MYPN: variants seen among roughly 807,000 people sequenced by gnomAD.
MYPN encodes the protein sarcomeric protein myopalladin, 145 kDa (MYOP).
Under a neutral mutation model 129.4 loss-of-function variants are expected in MYPN, and 63 were observed. The observed-to-expected ratio is 0.49, with a 90% CI of 0.40 to 0.60. The LOEUF (loss-of-function observed/expected upper bound fraction) is 0.60. Among genes scored for constraint, MYPN ranks in the 20% least tolerant of loss-of-function variants. The pLI is 0.00. For synonymous variants in MYPN, 629 were observed against 600.9 expected (o/e 1.05, Z -0.68); for missense variants, 1,596 against 1,635.4 (o/e 0.98, Z 0.42).
chr10:68,136,257 G>A (rs1271495465), intron 2 of MYPN: 17 of 987,228 alleles, frequency 1.7e-5, no homozygotes, highest in Admixed American at 1.2e-4. Context: ...ATCCTTGTGC[G>A]TGAAAGGTGG....
chr10:68,115,935 C>T (rs1489464410), intron 1 of MYPN, among the ~76,000 whole-genome samples: 1 of 152,194 alleles, frequency 6.6e-6, no homozygotes, highest in African/African-American at 2.4e-5. Context: ...AGTAACTTCT[C>T]CACTGCATTA....
At chr10:68,097,167 G>A (rs564051252) in intron 1 of MYPN, among the ~76,000 whole-genome samples, 2 of 152,270 alleles carry the variant, frequency 1.3e-5, no homozygotes, top group South Asian at 2.1e-4. Context: ...CTATGTTACC[G>A]GTGTGAATCT....
In MYPN at chr10:68,089,587, C is replaced by T. The variant is rs182519556; in HGVS notation, c.-2+1595C>T. 8.9e-3 allele frequency among the ~76,000 whole-genome samples: 1,350 copies of T among 152,216 alleles called. 16 individuals carry two copies. Among genetic ancestry groups the T allele is most frequent in the Admixed American group, 0.024 (362 of 15,294 alleles). Reference sequence around the variant, plus strand: ...GTCTCGATCTCCTGACCCCATGATTCGCCCGCTTCAGGCTCCCAAAGTGCT... The same window carrying T: ...GTCTCGATCTCCTGACCCCATGATTTGCCCGCTTCAGGCTCCCAAAGTGCT... On this transcript the variant is annotated intron_variant, in intron 1 of 6. Transcript: ENST00000685154.
At position 68,110,059 on chromosome 10, in the gene MYPN, G is replaced by A. The variant is rs74143016; in HGVS notation, c.-2+336G>A. On this transcript the variant is annotated intron_variant, in intron 1 of 19. Coordinates refer to ENST00000358913, the MANE Select transcript of MYPN (RefSeq NM_032578.4). ...TGTTGTTTATATAGAGAATATGTAA[G>A]CAATGCCAGTTTCCTTTTTAAAGGA... 5.5e-3 allele frequency among the ~76,000 whole-genome samples: 838 copies of A among 152,298 alleles called. 7 individuals are homozygous for A. The highest frequency in any genetic ancestry group is 0.019 in the African/African-American group (806 of 41,562).
chr10:68,187,040 G>A (rs1298232210), intron 12 of MYPN, among the ~76,000 whole-genome samples: 2 of 152,094 alleles, frequency 1.3e-5, no homozygotes, highest in Non-Finnish European at 1.5e-5. Flanking sequence ...CCTGCAAGAT[G>A]TCACCTCTCT....
At chr10:68,170,892 T>C (rs1353820330) in intron 10 of MYPN, among the ~76,000 whole-genome samples, 1 of 152,176 alleles carries the variant, frequency 6.6e-6, no homozygotes, top group Admixed American at 6.6e-5. Flanking sequence ...CTCAAGCCTG[T>C]AATCCCAGCA....
chr10:68,203,712 T>TAC (rs1204086269), intron 18 of MYPN, among the ~76,000 whole-genome samples: 45 of 138,006 alleles, frequency 3.3e-4, no homozygotes, highest in Admixed American at 5.1e-4. Flanking sequence ...CACACACACA[T>TAC]ACACACACAG....
At chr10:68,116,786 G>A (rs768886365) in intron 1 of MYPN, among the ~76,000 whole-genome samples, 4 of 152,102 alleles carry the variant, frequency 2.6e-5, no homozygotes, top group Non-Finnish European at 5.9e-5. Flanking sequence ...CATGATTTCA[G>A]TTATTTTATC....
At chr10:68,180,024 T>A (rs977056822) in intron 12 of MYPN, among the ~76,000 whole-genome samples, 6 of 152,260 alleles carry the variant, frequency 3.9e-5, no homozygotes, top group African/African-American at 1.4e-4. Context: ...GAAGGTAGAG[T>A]CTGTGTTTTG....
At position 68,150,031 on chromosome 10, in the gene MYPN, T is replaced by G; in HGVS notation, c.1246-9T>G. The G allele has an allele frequency of 6.2e-7, 1 of 1,611,254 alleles. No individual in the cohort carries two copies. Among genetic ancestry groups the G allele is most frequent in the South Asian group, 1.1e-5 (1 of 91,012 alleles). On this transcript the variant is annotated splice_polypyrimidine_tract_variant and intron_variant, in intron 5 of 19. Transcript: ENST00000358913. ...AACAATGAATTTACTGTTGCTTCCC[T>G]TCTACCAGTGTCAGAGCCCCACCAA...
At chr10:68,135,449 T>A (rs911430893) in intron 2 of MYPN, 2 of 975,266 alleles carry the variant, frequency 2.1e-6, no homozygotes, top group Non-Finnish European at 2.4e-6. Context: ...TATTGTCCGA[T>A]ATATTCCAGT....
Position 68,197,393 on chromosome 10 carries a change from A to T in MYPN, c.3200A>T (p.Gln1067Leu). 1.9e-6 allele frequency: 3 copies of T among 1,614,030 alleles called. No individual in the cohort carries two copies. Among genetic ancestry groups the T allele is most frequent in the Non-Finnish European group, 2.5e-6 (3 of 1,179,936 alleles). ...RVQERDKEPLQERFFRPHFLQ... is the reference protein window; with the variant it reads ...RVQERDKEPLLERFFRPHFLQ... ...CAAGAAAGAGACAAAGAGCCCCTAC[A>T]GGAACGCTTTTTCCGACCACATTTC... Residue 1067 changes from glutamine to leucine, a missense_variant, in exon 16 of 20, where the codon CAG (glutamine) becomes CTG (leucine). Gln to Leu is a moderately radical substitution (Grantham distance 113, BLOSUM62 -2). Coordinates refer to ENST00000358913, the MANE Select transcript of MYPN (RefSeq NM_032578.4).
At chr10:68,170,039 GACAAA>G (rs2043121679) in intron 10 of MYPN, among the ~76,000 whole-genome samples, 2 of 152,122 alleles carry the variant, frequency 1.3e-5, no homozygotes, top group Admixed American at 1.3e-4. Flanking sequence ...ACCGCACCCA[GACAAA>G]AGTCACACTC....
intron 2 of MYPN, among the ~76,000 whole-genome samples, chr10:68,134,720 GGGAGGT>G (rs2042459927): frequency 3.3e-5 from 5 of 152,080 alleles, no homozygotes; most frequent in Admixed American, 3.3e-4. Context: ...ACTTGCACCT[GGGAGGT>G]GGAGGTTGCA....
chr10:68,175,587 A>G, intron 12 of MYPN, 126 bp downstream of exon 12: 1 of 1,043,772 alleles, frequency 9.6e-7, no homozygotes, highest in African/African-American at 1.6e-5. Context: ...ATGGTAGAGC[A>G]CAGACTAACC....
At chr10:68,128,655 T>G (rs143592719) in intron 2 of MYPN, among the ~76,000 whole-genome samples, 56 of 152,296 alleles carry the variant, frequency 3.7e-4, no homozygotes, top group Non-Finnish European at 6.9e-4. Context: ...ACAAATTCCA[T>G]AACTGTTTAT....
intron 2 of MYPN, among the ~76,000 whole-genome samples, chr10:68,134,907 A>T (rs1056625468): frequency 6.6e-6 from 1 of 152,052 alleles, no homozygotes; most frequent in Admixed American, 6.6e-5. Flanking sequence ...TAAGTTACCA[A>T]GAAGTTTCTG....
In MYPN at chr10:68,130,434, T is replaced by G. The variant is rs78547851; in HGVS notation, c.902+8094T>G. On this transcript the variant is annotated intron_variant, in intron 2 of 19. Coordinates refer to ENST00000358913, the MANE Select transcript of MYPN (RefSeq NM_032578.4). ...AAGATCATGCCATTGCACTCCAGCC[T>G]GGGTGACAAGAGTGAAACTCCCTTT... is the stretch of plus-strand genomic sequence containing the variant. Among the ~76,000 whole-genome samples the G allele has an allele frequency of 9.8e-3, 1,463 of 149,348 alleles. 85 individuals carry two copies. The South Asian group carries it at 0.12, about 13-fold the overall frequency.
intron 1 of MYPN, among the ~76,000 whole-genome samples, chr10:68,119,787 A>C (rs2042215797): frequency 1.3e-5 from 2 of 152,216 alleles, no homozygotes; most frequent in African/African-American, 4.8e-5. Context: ...AGTACGGGCA[A>C]TCTCAGTCTG....
Sources: allele counts gnomAD v4.1 joint callset (sites outside exome capture counted in the v4.1 genomes callset), GRCh38; gene constraint gnomAD v4.1.1; transcripts MANE v1.5; gene names NCBI Gene and HGNC (gene_info 2026-07-23, HGNC 2026-07-21).